CNTN4: variants seen among roughly 807,000 people sequenced by gnomAD.
The protein encoded by CNTN4 is contactin 4.
A neutral mutation model predicts 122.5 loss-of-function variants in CNTN4; 77 were observed. The ratio of observed to expected loss-of-function variants is 0.63; its 90% CI spans 0.52 to 0.76. The LOEUF (loss-of-function observed/expected upper bound fraction) is 0.76, where lower values mean the gene tolerates loss of function less well. CNTN4 is among the 30% of genes least tolerant of loss of function. CNTN4 has a pLI of 0.00. For synonymous variants in CNTN4, 512 were observed against 447.0 expected (o/e 1.15, Z -1.83); for missense variants, 1,256 against 1,259.1 (o/e 1.00, Z 0.04).
At chr3:2,407,996 G>A (rs2047100665) in intron 3 of CNTN4, among the ~76,000 whole-genome samples, 1 of 152,130 alleles carries the variant, frequency 6.6e-6, no homozygotes, top group Non-Finnish European at 1.5e-5. Flanking sequence ...TGAGCAGTAT[G>A]GTAGTTTAAA....
intron 4 of CNTN4, among the ~76,000 whole-genome samples, chr3:2,734,232 T>C (rs2088913469): frequency 6.6e-6 from 1 of 152,104 alleles, no homozygotes; most frequent in East Asian, 1.9e-4. Context: ...AGCTAATTTT[T>C]TAATTTTTGG....
intron 6 of CNTN4, among the ~76,000 whole-genome samples, chr3:2,805,885 TTTTTGTTTTG>T (rs1372866651): frequency 6.6e-6 from 1 of 152,046 alleles, no homozygotes; most frequent in Non-Finnish European, 1.5e-5. Context: ...CTCATAACAC[TTTTTGTTTTG>T]TTTTGTTTTT....
intron 13 of CNTN4, among the ~76,000 whole-genome samples, chr3:2,977,527 G>A (rs1403732838): frequency 6.6e-6 from 1 of 151,936 alleles, no homozygotes; most frequent in Non-Finnish European, 1.5e-5. Context: ...CACCGAGAGA[G>A]CAATAATTGC....
intron 2 of CNTN4, among the ~76,000 whole-genome samples, chr3:2,102,760 G>A (rs1044646052): frequency 6.6e-5 from 10 of 152,114 alleles, no homozygotes; most frequent in East Asian, 3.9e-4. Context: ...GTGGATGTAC[G>A]TTACTATTAA....
intron 3 of CNTN4, among the ~76,000 whole-genome samples, chr3:2,458,315 TA>T (rs1217697310): frequency 1.3e-5 from 2 of 152,148 alleles, no homozygotes; most frequent in Non-Finnish European, 2.9e-5. Flanking sequence ...GAATTGTGTT[TA>T]AAAAATGAAC....
chr3:2,681,300 A>T (rs1337509920), intron 4 of CNTN4, among the ~76,000 whole-genome samples: 1 of 152,224 alleles, frequency 6.6e-6, no homozygotes, highest in Non-Finnish European at 1.5e-5. Context: ...AGTAGAGATT[A>T]GCCTATTGAG....
In CNTN4 at chr3:2,600,005, C is replaced by CTTTTTTTTTTTTTTTTTTTTTTT. The variant is rs1220761684; in HGVS notation, c.55+28449_55+28450insTTTTTTTTTTTTTTTTTTTTTTT. ...CAACTCTATTTTGGTTTATGGAATT[C>CTTTTTTTTTTTTTTTTTTTTTTT]TTCTTTTTTTTTTTTTTTTTTTTTT... On this transcript the variant is annotated intron_variant, in intron 4 of 24. Coordinates refer to ENST00000418658, the MANE Select transcript of CNTN4 (RefSeq NM_175607.3). Among the ~76,000 whole-genome samples, 3 of 28,268 alleles carry CTTTTTTTTTTTTTTTTTTTTTTT rather than the reference C, an allele frequency of 1.1e-4. 1 individual carries two copies. The highest frequency in any genetic ancestry group is 9.1e-4 in the Admixed American group (2 of 2,192). The allele number at this position is 28,268 out of a possible 152,430, so 18.5% of individuals were successfully genotyped here.
intron 12 of CNTN4, among the ~76,000 whole-genome samples, chr3:2,918,005 A>C (rs2094388186): frequency 6.6e-6 from 1 of 152,176 alleles, no homozygotes; most frequent in African/African-American, 2.4e-5. Context: ...CTCCTAAAGA[A>C]AGTCATTTGT....
chr3:2,296,503 A>C (rs2042317035), intron 2 of CNTN4, among the ~76,000 whole-genome samples: 1 of 152,174 alleles, frequency 6.6e-6, no homozygotes, highest in African/African-American at 2.4e-5. Flanking sequence ...AGAGGATGTC[A>C]CTGTAATATA....
At chr3:2,757,424 C>T (rs539484453) in intron 6 of CNTN4, among the ~76,000 whole-genome samples, 53 of 152,230 alleles carry the variant, frequency 3.5e-4, no homozygotes, top group Non-Finnish European at 4.4e-4. Flanking sequence ...TCCCTGAATT[C>T]GACCTCTTTG....
intron 4 of CNTN4, among the ~76,000 whole-genome samples, chr3:2,730,046 A>C (rs1244577905): frequency 6.6e-6 from 1 of 152,186 alleles, no homozygotes; most frequent in African/African-American, 2.4e-5. Context: ...GTTAACAAGC[A>C]CTCTTAGCTA....
intron 2 of CNTN4, among the ~76,000 whole-genome samples, chr3:2,173,171 C>G (rs781002603): frequency 2.6e-5 from 4 of 152,142 alleles, no homozygotes; most frequent in African/African-American, 7.2e-5. Context: ...CCAGACTCAT[C>G]AAATATGATT....
chr3:2,688,998 A>T (rs911465594), intron 4 of CNTN4, among the ~76,000 whole-genome samples: 1 of 152,216 alleles, frequency 6.6e-6, no homozygotes, highest in Non-Finnish European at 1.5e-5. Flanking sequence ...ATGTAGCACC[A>T]GTCATCCACA....
rs2086935413 is a variant in CNTN4 at position 2,709,059 on chromosome 3, A to G, written c.56-27156A>G. ...TCTCTTCTCAGATATCTCATAGACC[A>G]TCCCCCCTCTGCTGCCACTGAATTT... On this transcript the variant is annotated intron_variant, in intron 4 of 24. Coordinates refer to ENST00000418658, the MANE Select transcript of CNTN4 (RefSeq NM_175607.3). This position sits in a 1 kb window ranked among gnomAD's most constrained non-coding sequence, Gnocchi z 5.0. Among the ~76,000 whole-genome samples, 1 of 151,996 alleles carries G rather than the reference A, an allele frequency of 6.6e-6. No individual in the cohort carries two copies. Among genetic ancestry groups the G allele is most frequent in the Admixed American group, 6.5e-5 (1 of 15,272 alleles).
chr3:2,142,630 A>G (rs1254363740), intron 2 of CNTN4, among the ~76,000 whole-genome samples: 1 of 152,200 alleles, frequency 6.6e-6, no homozygotes, highest in East Asian at 1.9e-4. Flanking sequence ...GGCGCAAGCC[A>G]CTGTGCCTGG....
At chr3:2,240,021 G>A (rs2039869217) in intron 2 of CNTN4, among the ~76,000 whole-genome samples, 1 of 152,066 alleles carries the variant, frequency 6.6e-6, no homozygotes, top group Admixed American at 6.5e-5. Flanking sequence ...TAAAATATCT[G>A]TTTTCTTAGT....
At chr3:2,262,524 G>A (rs2040874883) in intron 2 of CNTN4, 1 of 151,658 alleles carries the variant, frequency 6.6e-6, no homozygotes, top group Admixed American at 6.6e-5. Flanking sequence ...TCTTGTTCTT[G>A]TATGTACCTT....
Position 2,591,352 on chromosome 3 carries a change from C to CTTTTTTTT in CNTN4, c.55+19817_55+19824dup, listed in dbSNP as rs71058629. 5.2e-4 allele frequency among the ~76,000 whole-genome samples: 19 copies of CTTTTTTTT among 36,394 alleles called. 4 individuals are homozygous for CTTTTTTTT. Among genetic ancestry groups the CTTTTTTTT allele is most frequent in the African/African-American group, 1.8e-3 (19 of 10,294 alleles). 23.9% of individuals were successfully genotyped at this position (36,394 alleles called of 152,430 possible). A position where few individuals can be genotyped will look rare whatever the true frequency, so the allele number is the denominator to read the frequency against. On this transcript the variant is annotated intron_variant, in intron 4 of 24. Coordinates refer to ENST00000418658, the MANE Select transcript of CNTN4 (RefSeq NM_175607.3). ...CTTTGAAGAACTAGTAGATTTGTGA[C>CTTTTTTTT]TTTTTTTTTTTTTTTTTTTTTTTTT...
chr3:2,694,628 G>A (rs2085922338), intron 4 of CNTN4, among the ~76,000 whole-genome samples: 2 of 152,144 alleles, frequency 1.3e-5, no homozygotes, highest in South Asian at 4.1e-4. Context: ...TACTTAGGAG[G>A]CGAGGCAAGA....
Sources: gnomAD v4.1 joint callset for allele counts (sites outside exome capture counted in the v4.1 genomes callset) on GRCh38, gnomAD v4.1.1 for gene constraint, Gnocchi (gnomAD v3.1) non-coding constraint, MANE v1.5 for transcripts, NCBI Gene and HGNC (gene_info 2026-07-23, HGNC 2026-07-21) for gene names.